SEPTIN9: variants seen among roughly 807,000 people sequenced by gnomAD.
SEPTIN9 encodes septin 9.
A neutral mutation model predicts 56.6 loss-of-function variants in SEPTIN9; 13 were observed. That is an observed-to-expected ratio of 0.23 (90% CI 0.15 to 0.37). SEPTIN9 has a LOEUF of 0.37. Ranked by LOEUF, SEPTIN9 falls within the 10% of genes least tolerant of loss-of-function variation. The pLI, the probability that SEPTIN9 is intolerant of heterozygous loss-of-function variation, is 1.00. For missense variants in SEPTIN9, 650 were observed against 823.1 expected, an observed-to-expected ratio of 0.79 and a Z score of 2.57; for synonymous variants, 332 against 334.1, an observed-to-expected ratio of 0.99 and a Z score of 0.07.
chr17:77,302,564 G>A (rs2032099225), intron 1 of SEPTIN9, among the ~76,000 whole-genome samples: 1 of 152,188 alleles, frequency 6.6e-6, no homozygotes, highest in South Asian at 2.1e-4. Context: ...TGTAATCCCA[G>A]CTACGCAGGA....
intron 11 of SEPTIN9, among the ~76,000 whole-genome samples, chr17:77,497,898 A>G (rs4405613): frequency 0.4 from 55,854 of 140,542 alleles, 11,852 homozygotes; most frequent in East Asian, 0.83. Flanking sequence ...GATGATGGGA[A>G]TGTTATCAAG....
chr17:77,319,131 G>T lies in SEPTIN9; in HGVS notation c.76+11934G>T, dbSNP rs1031980287. Among the ~76,000 whole-genome samples the T allele has an allele frequency of 3.9e-5, 6 of 152,160 alleles. No individual in the cohort carries two copies. Among genetic ancestry groups the T allele is most frequent in the Non-Finnish European group, 4.4e-5 (3 of 68,026 alleles). On this transcript the variant is annotated intron_variant, in intron 2 of 11. Transcript: ENST00000427177. This position sits in a 1 kb window ranked among gnomAD's most constrained non-coding sequence, Gnocchi z 5.3. ...ACAAACACACATTCTCTTTAAACAG[G>T]CTTGGGCCAACAGAACCAGCCTCCG... is the stretch of plus-strand genomic sequence containing the variant.
rs548393071 is a variant in SEPTIN9 at position 77,356,323 on chromosome 17, C to T, written c.77-45736C>T. Among the ~76,000 whole-genome samples the T allele has an allele frequency of 9.9e-5, 15 of 152,228 alleles. No individual in the cohort carries two copies. The East Asian group carries it at 2.3e-3, about 24-fold the overall frequency. ...GCCTTGGGAGACCCGGTGGGGACTCCGGGCTGAGCTCCTGTGGCTGTGGAA... is the reference window on the plus strand; with the variant it reads ...GCCTTGGGAGACCCGGTGGGGACTCTGGGCTGAGCTCCTGTGGCTGTGGAA... On this transcript the variant is annotated intron_variant, in intron 2 of 11. Transcript: ENST00000427177.
chr17:77,384,579 G>A (rs116532366), intron 2 of SEPTIN9, among the ~76,000 whole-genome samples: 6 of 152,060 alleles, frequency 3.9e-5, no homozygotes, highest in African/African-American at 1.2e-4. Context: ...CACCTGCAGC[G>A]CCCCAGAAAC....
chr17:77,470,460 A>G (rs999565601), intron 3 of SEPTIN9, among the ~76,000 whole-genome samples: 2 of 151,132 alleles, frequency 1.3e-5, no homozygotes, highest in African/African-American at 2.4e-5. Flanking sequence ...CCACTTGTCT[A>G]CTCATCCACT....
intron 1 of SEPTIN9, among the ~76,000 whole-genome samples, chr17:77,300,495 G>A (rs748434944): frequency 6.6e-6 from 1 of 152,178 alleles, no homozygotes; most frequent in Non-Finnish European, 1.5e-5. Flanking sequence ...GGACAGAGGG[G>A]AGGAGAAGAG....
chr17:77,334,851 T>C (rs1171550344), intron 2 of SEPTIN9, among the ~76,000 whole-genome samples: 2 of 152,226 alleles, frequency 1.3e-5, no homozygotes, highest in African/African-American at 4.8e-5. Context: ...TTTTCTATAC[T>C]CATATCCAGT....
intron 3 of SEPTIN9, among the ~76,000 whole-genome samples, chr17:77,462,135 C>T (rs1426075144): frequency 7.0e-6 from 1 of 142,664 alleles, no homozygotes; most frequent in African/African-American, 3.1e-5. Flanking sequence ...GGAAATTAGA[C>T]TGACAGAGAT....
rs312839 is a variant in SEPTIN9 at position 77,458,685 on chromosome 17, G to T, written c.722-23459G>T. Among the ~76,000 whole-genome samples the T allele has an allele frequency of 9.9e-3, 1,508 of 152,310 alleles. 19 individuals are homozygous for T. Among genetic ancestry groups the T allele is most frequent in the African/African-American group, 0.034 (1,416 of 41,560 alleles). On this transcript the variant is annotated intron_variant, in intron 3 of 11. Transcript: ENST00000427177. ...GTTACCAGCTGCGGTGGCTGCCAAG[G>T]CCCAACCACATGGCAGCCACGGGCT...
chr17:77,490,293 G>A (rs1035058085), intron 7 of SEPTIN9, among the ~76,000 whole-genome samples: 1 of 152,224 alleles, frequency 6.6e-6, no homozygotes, highest in Admixed American at 6.5e-5. Flanking sequence ...CTGGGGCCAA[G>A]CAGGCAAGGG....
chr17:77,366,794 C>T (rs776617433), intron 2 of SEPTIN9, among the ~76,000 whole-genome samples: 3 of 152,098 alleles, frequency 2.0e-5, no homozygotes, highest in South Asian at 2.1e-4. Context: ...TCCCAAGTGC[C>T]GGAGCGGGGA....
At chr17:77,496,665 T>G (rs1311054330) in intron 10 of SEPTIN9, among the ~76,000 whole-genome samples, 2 of 152,234 alleles carry the variant, frequency 1.3e-5, no homozygotes, top group African/African-American at 2.4e-5. Flanking sequence ...GTGGCCACTG[T>G]CCCGAGCTTG....
chr17:77,468,268 A>AAAAACAAAAC (rs369979662), intron 3 of SEPTIN9, among the ~76,000 whole-genome samples: 2 of 152,060 alleles, frequency 1.3e-5, no homozygotes, highest in African/African-American at 2.4e-5. Context: ...CCATCTCAAA[A>AAAAACAAAAC]AAAACAAAAC....
chr17:77,470,398 TCATCCACG>T (rs1449582877), intron 3 of SEPTIN9, among the ~76,000 whole-genome samples: 6 of 144,772 alleles, frequency 4.1e-5, no homozygotes, highest in Non-Finnish European at 7.6e-5. Context: ...GTCCATCCAC[TCATCCACG>T]CATCCACTCA....
At position 77,405,505 on chromosome 17, in the gene SEPTIN9, C is replaced by T. The variant is rs933137901; in HGVS notation, c.721+2802C>T. Among the ~76,000 whole-genome samples the T allele has an allele frequency of 6.6e-6, 1 of 152,222 alleles. No individual in the cohort carries two copies. Among genetic ancestry groups the T allele is most frequent in the Non-Finnish European group, 1.5e-5 (1 of 68,034 alleles). ...GCATGGGAGAAAACCATCAGCATCC[C>T]AGACCCGGCCACCCACGGACAGGGA... is the stretch of plus-strand genomic sequence containing the variant. On this transcript the variant is annotated intron_variant, in intron 3 of 11. Coordinates refer to ENST00000427177, the MANE Select transcript of SEPTIN9 (RefSeq NM_001113491.2). The surrounding 1 kb of genome is among the most constrained non-coding windows in gnomAD (Gnocchi z 5.8).
chr17:77,350,456 TGAGAGAGAC>T (rs1371704521), intron 2 of SEPTIN9, among the ~76,000 whole-genome samples: 1 of 152,150 alleles, frequency 6.6e-6, no homozygotes, highest in African/African-American at 2.4e-5. Flanking sequence ...TCCTTCTCTG[TGAGAGAGAC>T]GAGAGAGAGG....
Position 77,323,024 on chromosome 17 carries a change from G to A in SEPTIN9, c.76+15827G>A, listed in dbSNP as rs1598192278. 6.6e-6 allele frequency: 1 copy of A among 152,526 alleles called. No individual in the cohort carries two copies. Among genetic ancestry groups the A allele is most frequent in the Admixed American group, 6.5e-5 (1 of 15,296 alleles). The allele number at this position is 152,526 out of a possible 1,614,324, so 9.4% of individuals were successfully genotyped here. The stretch of plus-strand genomic sequence containing the variant: ...GGCTGCCCTACAGCTGCCCAGGAAG[G>A]GTTTGTGGGAGGGGGTGGTCCTACC... On this transcript the variant is annotated intron_variant, in intron 2 of 11. Coordinates refer to ENST00000427177, the MANE Select transcript of SEPTIN9 (RefSeq NM_001113491.2). This position sits in a 1 kb window ranked among gnomAD's most constrained non-coding sequence, Gnocchi z 6.8.
In SEPTIN9 at chr17:77,310,715, C is replaced by T. The variant is rs1232460155; in HGVS notation, c.76+3518C>T. 6.6e-6 allele frequency among the ~76,000 whole-genome samples: 1 copy of T among 152,138 alleles called. No individual in the cohort carries two copies. The highest frequency in any genetic ancestry group is 2.4e-5 in the African/African-American group (1 of 41,428). On this transcript the variant is annotated intron_variant, in intron 2 of 11. Coordinates refer to ENST00000427177, the MANE Select transcript of SEPTIN9 (RefSeq NM_001113491.2). The surrounding 1 kb of genome is among the most constrained non-coding windows in gnomAD (Gnocchi z 4.7). ...GCTCATTTTCTGTGCCTCAGGCAGCCGCCTCTCTGACTGAGCGTCCAGCGG... is the reference window on the plus strand; with the variant it reads ...GCTCATTTTCTGTGCCTCAGGCAGCTGCCTCTCTGACTGAGCGTCCAGCGG...
chr17:77,404,816 C>G (rs766972726), intron 3 of SEPTIN9, among the ~76,000 whole-genome samples: 10 of 152,286 alleles, frequency 6.6e-5, no homozygotes, highest in Non-Finnish European at 1.3e-4. Flanking sequence ...CCCGTGTTCC[C>G]TCTCCCATCT....
Sources: gnomAD v4.1 joint callset for allele counts (sites outside exome capture counted in the v4.1 genomes callset) on GRCh38, gnomAD v4.1.1 for gene constraint, Gnocchi (gnomAD v3.1) non-coding constraint, MANE v1.5 for transcripts, NCBI Gene and HGNC (gene_info 2026-07-23, HGNC 2026-07-21) for gene names.